Variants in TCF12 observed in about 807,000 individuals in gnomAD.
TCF12 encodes the protein DNA-binding protein HTF4.
TCF12 carries 45 observed loss-of-function variants against 86.0 expected under a neutral mutation model. That is an observed-to-expected ratio of 0.52 (90% CI 0.41 to 0.67). The LOEUF (loss-of-function observed/expected upper bound fraction) is 0.67. Among genes scored for constraint, TCF12 ranks in the 30% least tolerant of loss-of-function variants. The pLI is 0.00. For missense variants in TCF12, 881 were observed against 859.9 expected, an observed-to-expected ratio of 1.02 and a Z score of -0.31; for synonymous variants, 330 against 299.6, an observed-to-expected ratio of 1.10 and a Z score of -1.05.
intron 5 of TCF12, among the ~76,000 whole-genome samples, chr15:57,159,603 C>G (rs1451057050): frequency 1.3e-5 from 2 of 152,204 alleles, no homozygotes; most frequent in African/African-American, 2.4e-5. Flanking sequence ...ACATGACTTA[C>G]ACACTGAAAT....
intron 3 of TCF12, among the ~76,000 whole-genome samples, chr15:57,043,882 A>G (rs1352394203): frequency 6.6e-6 from 1 of 152,096 alleles, no homozygotes; most frequent in African/African-American, 2.4e-5. Flanking sequence ...AATTATTATT[A>G]GTTTTCTAGT....
intron 3 of TCF12, among the ~76,000 whole-genome samples, chr15:56,977,600 G>A (rs183212373): frequency 6.6e-6 from 1 of 151,840 alleles, no homozygotes; most frequent in Non-Finnish European, 1.5e-5. Context: ...CACACACACA[G>A]AGAGGTGGAG....
intron 3 of TCF12, among the ~76,000 whole-genome samples, chr15:56,993,678 A>G (rs1008211184): frequency 3.9e-5 from 6 of 152,238 alleles, no homozygotes; most frequent in African/African-American, 1.4e-4. Flanking sequence ...ATGGCACAGC[A>G]TAAGCCTTTG....
intron 3 of TCF12, among the ~76,000 whole-genome samples, chr15:56,937,123 C>T (rs566301201): frequency 1.2e-4 from 19 of 152,134 alleles, no homozygotes; most frequent in Non-Finnish European, 1.6e-4. Flanking sequence ...GTTGTGTTCC[C>T]GTTTGTGTCA....
chr15:57,223,652 T>TGTTG (rs1566940697), intron 8 of TCF12, among the ~76,000 whole-genome samples: 10 of 139,292 alleles, frequency 7.2e-5, no homozygotes, highest in African/African-American at 2.3e-4. Context: ...GGTTTTTTTT[T>TGTTG]TTTTTTTTTT....
rs1380269866 is a variant in TCF12, at chr15:57,027,980, T to A, written c.149-35770T>A. On this transcript the variant is annotated intron_variant, in intron 3 of 20. Coordinates refer to ENST00000333725, the MANE Select transcript of TCF12 (RefSeq NM_207037.2). The stretch of plus-strand genomic sequence containing the variant: ...AACCTATGTTTCTTTTTTTTTTCTT[T>A]TGAGATGGAGTCTCACTCTGTTGCC... Among the ~76,000 whole-genome samples the A allele has an allele frequency of 2.6e-5, 4 of 152,158 alleles. No individual in the cohort carries two copies. The East Asian group carries it at 7.7e-4, about 29-fold the overall frequency.
intron 1 of TCF12, chr15:56,919,359 T>G (rs1416986934): frequency 6.6e-6 from 1 of 151,896 alleles, no homozygotes; most frequent in African/African-American, 2.4e-5. Flanking sequence ...GGGGGTGCTT[T>G]CCGACCTCCT....
intron 3 of TCF12, among the ~76,000 whole-genome samples, chr15:56,942,888 TC>T (rs2060840547): frequency 6.6e-6 from 1 of 152,204 alleles, no homozygotes; most frequent in Non-Finnish European, 1.5e-5. Flanking sequence ...TCACCAACCT[TC>T]TAGGTGACAT....
chr15:57,207,784 T>A (rs1489900962), intron 8 of TCF12, among the ~76,000 whole-genome samples: 1 of 152,160 alleles, frequency 6.6e-6, no homozygotes, highest in Non-Finnish European at 1.5e-5. Flanking sequence ...TTTGAAATCA[T>A]GATTTTCAGT....
chr15:57,234,074 G>C lies in TCF12; in HGVS notation c.1002G>C (p.Gln334His), dbSNP rs752032598. The C allele has an allele frequency of 6.2e-7, 1 of 1,613,534 alleles. No individual in the cohort carries two copies. The highest frequency in any genetic ancestry group is 2.2e-5 in the East Asian group (1 of 44,860). The change falls in exon 12 of 21, where the codon CAG (glutamine) becomes CAC (histidine). Residue 334 changes from glutamine to histidine, a missense_variant. Around this residue, in one of 3 missense-constraint regions of TCF12, gnomAD observed 766 missense variants for 718.9 expected, o/e 1.07. Coordinates refer to ENST00000333725, the MANE Select transcript of TCF12 (RefSeq NM_207037.2). ...GAGGGAATGCTGCTGGAAGCTCACA[G>C]ACAGGTGATGCACTTGGAAAGGCTT... ...GTRGNAAGSSQTGDALGKALA... is the reference protein window; with the variant it reads ...GTRGNAAGSSHTGDALGKALA...
At chr15:56,918,580 C>T (rs1287030523), upstream of TCF12, 1 of 265,352 alleles carries the variant, frequency 3.8e-6, no homozygotes, top group South Asian at 3.1e-5. Flanking sequence ...TCCTAGGCGG[C>T]GGAGCGGGTC....
intron 18 of TCF12, among the ~76,000 whole-genome samples, chr15:57,266,196 G>A (rs2060861972): frequency 6.6e-6 from 1 of 151,882 alleles, no homozygotes; most frequent in Non-Finnish European, 1.5e-5. Context: ...TGCAGCCTCA[G>A]CCTCCCAAGT....
At chr15:57,129,259 A>G (rs2051921150) in intron 5 of TCF12, among the ~76,000 whole-genome samples, 1 of 152,144 alleles carries the variant, frequency 6.6e-6, no homozygotes. Flanking sequence ...GCATTTCCCT[A>G]ATGACTAATA....
chr15:57,259,377 A>G (rs565830776), intron 16 of TCF12, among the ~76,000 whole-genome samples: 102 of 152,356 alleles, frequency 6.7e-4, no homozygotes, highest in Non-Finnish European at 1.2e-3. Flanking sequence ...AGTGAATGGT[A>G]CAAATTATTA....
At chr15:57,113,529 T>G (rs180919188) in intron 5 of TCF12, among the ~76,000 whole-genome samples, 1 of 152,254 alleles carries the variant, frequency 6.6e-6, no homozygotes, top group East Asian at 1.9e-4. Flanking sequence ...TTACCTTTCT[T>G]TTGCTTCTTT....
intron 5 of TCF12, among the ~76,000 whole-genome samples, chr15:57,106,913 A>C (rs756726130): frequency 6.6e-6 from 1 of 152,258 alleles, no homozygotes; most frequent in Non-Finnish European, 1.5e-5. Context: ...AACACTGACA[A>C]CACCAAGTGC....
At chr15:57,274,775 G>C (rs1235412493) in intron 19 of TCF12, among the ~76,000 whole-genome samples, 1 of 152,070 alleles carries the variant, frequency 6.6e-6, no homozygotes, top group South Asian at 2.1e-4. Context: ...CTTACTGTCT[G>C]GTCAACAGGA....
chr15:57,055,243 A>G (rs2067922504), intron 3 of TCF12, among the ~76,000 whole-genome samples: 1 of 152,042 alleles, frequency 6.6e-6, no homozygotes, highest in South Asian at 2.1e-4. Flanking sequence ...CTCTACTGAA[A>G]ACACAAAAAT....
chr15:57,088,740 C>T (rs1398521636), intron 4 of TCF12, among the ~76,000 whole-genome samples: 1 of 152,032 alleles, frequency 6.6e-6, no homozygotes, highest in African/African-American at 2.4e-5. Flanking sequence ...ATCTTAAGTT[C>T]TACCCCCAAG....
Sources: allele counts gnomAD v4.1 joint callset (sites outside exome capture counted in the v4.1 genomes callset), GRCh38; gene constraint gnomAD v4.1.1; regional missense constraint gnomAD v4.1.1; transcripts MANE v1.5; gene names NCBI Gene and HGNC (gene_info 2026-07-23, HGNC 2026-07-21).